The following CELF2 variants were observed in gnomAD, a reference collection of about 807,000 sequenced individuals.
CELF2 encodes CUG triplet repeat RNA-binding protein 2.
Under a neutral mutation model 62.6 loss-of-function variants are expected in CELF2, and 8 were observed. The observed-to-expected ratio is 0.13, with a 90% CI of 0.07 to 0.23. The LOEUF (loss-of-function observed/expected upper bound fraction) is 0.23, where lower values mean the gene tolerates loss of function less well. Among genes scored for constraint, CELF2 ranks in the 10% least tolerant of loss-of-function variants. The probability of loss-of-function intolerance (pLI) is 1.00; values close to 1 mark genes in which losing one functional copy is unlikely to be tolerated. For synonymous variants in CELF2, 258 were observed against 250.0 expected, an observed-to-expected ratio of 1.03 and a Z score of -0.30; for missense variants, 333 against 671.0, an observed-to-expected ratio of 0.50 and a Z score of 5.56.
intron 1 of CELF2, among the ~76,000 whole-genome samples, chr10:11,130,332 C>T (rs141077665): frequency 6.6e-6 from 1 of 152,194 alleles, no homozygotes; most frequent in Non-Finnish European, 1.5e-5. Flanking sequence ...ATGCTAAACC[C>T]TTAGAGTCCC....
intron 1 of CELF2, among the ~76,000 whole-genome samples, chr10:10,857,003 T>A (rs1412352339): frequency 1.3e-5 from 2 of 152,022 alleles, no homozygotes; most frequent in African/African-American, 4.8e-5. Context: ...AGGAAATAAA[T>A]GAGGTAAGCT....
the CELF2 span, among the ~76,000 whole-genome samples, chr10:10,773,994 A>G: frequency 6.6e-6 from 1 of 152,148 alleles, no homozygotes; most frequent in East Asian, 1.9e-4. Context: ...ACAATTCCCC[A>G]CCACTTCCAT....
At chr10:10,905,734 C>T (rs1285142460) in intron 1 of CELF2, among the ~76,000 whole-genome samples, 1 of 151,914 alleles carries the variant, frequency 6.6e-6, no homozygotes, top group African/African-American at 2.4e-5. Context: ...AAAAATTAGC[C>T]AGGTGTGGTG....
intron 5 of CELF2, among the ~76,000 whole-genome samples, chr10:11,263,086 ATCT>A (rs2081206385): frequency 6.6e-6 from 1 of 151,722 alleles, no homozygotes; most frequent in Non-Finnish European, 1.5e-5. Context: ...GTGTTCCAAA[ATCT>A]TCTCTGTGAC....
the CELF2 span, among the ~76,000 whole-genome samples, chr10:10,604,587 T>G: frequency 6.6e-6 from 1 of 152,210 alleles, no homozygotes; most frequent in Non-Finnish European, 1.5e-5. Flanking sequence ...TTGAATTTAC[T>G]TAGCTGTTTT....
intron 1 of CELF2, among the ~76,000 whole-genome samples, chr10:11,025,957 G>A (rs998833975): frequency 1.3e-5 from 2 of 152,092 alleles, no homozygotes; most frequent in Non-Finnish European, 2.9e-5. Flanking sequence ...CCCTTTTGAG[G>A]GCCTCTTTTC....
At position 11,318,864 on chromosome 10, in the gene CELF2, A is replaced by T. The variant is rs577483677; in HGVS notation, c.1097-2325A>T. Reference sequence around the variant, plus strand: ...GGAGAAGCCGAGTCGTGGAGGCTGCACATCGCAGGAAGGATCCCCCGTGGG... The same window carrying T: ...GGAGAAGCCGAGTCGTGGAGGCTGCTCATCGCAGGAAGGATCCCCCGTGGG... On this transcript the variant is annotated intron_variant, in intron 10 of 12. Coordinates refer to ENST00000633077, the MANE Select transcript of CELF2 (RefSeq NM_001326342.2). The surrounding 1 kb of genome is among the most constrained non-coding windows in gnomAD (Gnocchi z 5.4). 477 of 471,216 alleles carry T rather than the reference A, an allele frequency of 1.0e-3. 8 individuals carry two copies. Among genetic ancestry groups the T allele is most frequent in the South Asian group, 7.2e-3 (468 of 64,570 alleles). 29.2% of individuals were successfully genotyped at this position (471,216 alleles called of 1,614,324 possible).
the CELF2 span, among the ~76,000 whole-genome samples, chr10:10,575,111 C>A: frequency 1.3e-3 from 200 of 152,164 alleles, 2 homozygotes; most frequent in African/African-American, 4.7e-3. Context: ...AAAAATAACC[C>A]AGCCTTCACA....
At chr10:11,016,600 T>C (rs2057294149), upstream of CELF2, among the ~76,000 whole-genome samples, 1 of 152,206 alleles carries the variant, frequency 6.6e-6, no homozygotes, top group South Asian at 2.1e-4. This position sits in a 1 kb window ranked among gnomAD's most constrained non-coding sequence, Gnocchi z 5.2. Flanking sequence ...TGGTGAGAAA[T>C]AATTAAAATC....
At chr10:10,528,956 A>G in the CELF2 span, among the ~76,000 whole-genome samples, 1 of 152,250 alleles carries the variant, frequency 6.6e-6, no homozygotes, top group African/African-American at 2.4e-5. Context: ...TCCGCTATGT[A>G]AAAAGCAGCT....
the CELF2 span, among the ~76,000 whole-genome samples, chr10:10,548,531 C>T: frequency 2.6e-5 from 4 of 152,154 alleles, no homozygotes. Flanking sequence ...ACTCTGAAGA[C>T]TCAAACTAGT....
At position 11,042,721 on chromosome 10, in the gene CELF2, C is replaced by A. The variant is rs192182997; in HGVS notation, c.74+24558C>A. ...CCAATTTCCCTTAGCCCCAGGCAAC[C>A]ATTGATCTCTGTTCTGTGTTAACTG... On this transcript the variant is annotated intron_variant, in intron 1 of 12. Coordinates refer to ENST00000633077, the MANE Select transcript of CELF2 (RefSeq NM_001326342.2). Among the ~76,000 whole-genome samples the A allele has an allele frequency of 3.2e-3, 482 of 152,274 alleles. 3 individuals carry two copies. Among genetic ancestry groups the A allele is most frequent in the Non-Finnish European group, 3.3e-3 (222 of 68,026 alleles).
intron 1 of CELF2, among the ~76,000 whole-genome samples, chr10:11,067,617 A>T (rs1167914858): frequency 7.9e-5 from 12 of 152,224 alleles, no homozygotes. Context: ...TTTAAATTGG[A>T]TCATAGCTCT....
At chr10:10,705,435 C>G in the CELF2 span, among the ~76,000 whole-genome samples, 1 of 149,736 alleles carries the variant, frequency 6.7e-6, no homozygotes, top group Non-Finnish European at 1.5e-5. Flanking sequence ...AGAGCATTTG[C>G]ATTTAAATAT....
At chr10:11,073,553 C>G (rs1266113506) in intron 1 of CELF2, among the ~76,000 whole-genome samples, 1 of 152,204 alleles carries the variant, frequency 6.6e-6, no homozygotes, top group Non-Finnish European at 1.5e-5. Context: ...GCCAAATTTG[C>G]TGGCACCTAC....
intron 1 of CELF2, among the ~76,000 whole-genome samples, chr10:10,814,823 A>G (rs2056295547): frequency 6.6e-6 from 1 of 152,210 alleles, no homozygotes; most frequent in Non-Finnish European, 1.5e-5. Flanking sequence ...AGGTGGGAAC[A>G]GAAGAACTCA....
At chr10:10,812,485 T>C (rs1411157196) in intron 1 of CELF2, among the ~76,000 whole-genome samples, 2 of 152,134 alleles carry the variant, frequency 1.3e-5, no homozygotes, top group South Asian at 2.1e-4. Flanking sequence ...ACCTGAGAGA[T>C]CAATTTCTTG....
At chr10:10,498,715 C>A in the CELF2 span, among the ~76,000 whole-genome samples, 1 of 152,154 alleles carries the variant, frequency 6.6e-6, no homozygotes, top group Non-Finnish European at 1.5e-5. Flanking sequence ...ACAAGCCAAG[C>A]AAGTGTGTGC....
chr10:11,284,559 G>A (rs999686211), intron 8 of CELF2, among the ~76,000 whole-genome samples: 7 of 143,828 alleles, frequency 4.9e-5, no homozygotes, highest in East Asian at 2.1e-4. Flanking sequence ...CATGATGGAC[G>A]GAGGGGTGGG....
Sources: allele counts gnomAD v4.1 joint callset (sites outside exome capture counted in the v4.1 genomes callset), GRCh38; gene constraint gnomAD v4.1.1; non-coding constraint Gnocchi (gnomAD v3.1); transcripts MANE v1.5; gene names NCBI Gene and HGNC (gene_info 2026-07-23, HGNC 2026-07-21).